The following ANKRD62 variants were observed in gnomAD, a reference collection of about 807,000 sequenced individuals.
ANKRD62 encodes the protein ankyrin repeat domain-containing protein 62.
Under a neutral mutation model 98.8 loss-of-function variants are expected in ANKRD62, and 61 were observed. The observed-to-expected ratio is 0.62, with a 90% CI of 0.50 to 0.76. The LOEUF (loss-of-function observed/expected upper bound fraction) is 0.76. Ranked by LOEUF, ANKRD62 falls within the 30% of genes least tolerant of loss-of-function variation. The pLI, the probability that ANKRD62 is intolerant of heterozygous loss-of-function variation, is 0.00. For missense variants in ANKRD62, 933 were observed against 1,082.9 expected, an observed-to-expected ratio of 0.86 and a Z score of 1.94; for synonymous variants, 341 against 367.9, an observed-to-expected ratio of 0.93 and a Z score of 0.84.
At chr18:12,175,765 A>G in the ANKRD62 span, among the ~76,000 whole-genome samples, 743 of 152,118 alleles carry the variant, frequency 4.9e-3, 3 homozygotes, top group Non-Finnish European at 7.6e-3. Flanking sequence ...AGTGAAGTTC[A>G]TTAGCATCTA....
At chr18:12,116,281 TA>T (rs1909663035) in intron 10 of ANKRD62, among the ~76,000 whole-genome samples, 1 of 151,940 alleles carries the variant, frequency 6.6e-6, no homozygotes, top group Non-Finnish European at 1.5e-5. Flanking sequence ...AAAAGTGTAC[TA>T]TTTCCATCTG....
chr18:12,138,622 ATCTG>A, the ANKRD62 span, among the ~76,000 whole-genome samples: 1 of 152,122 alleles, frequency 6.6e-6, no homozygotes, highest in African/African-American at 2.4e-5. Flanking sequence ...TGTCTCGTTG[ATCTG>A]TCTAATGTTG....
chr18:12,172,547 CCT>C, the ANKRD62 span, among the ~76,000 whole-genome samples: 1 of 152,188 alleles, frequency 6.6e-6, no homozygotes, highest in Admixed American at 6.5e-5. Flanking sequence ...CTGGGAGGTG[CCT>C]CTCAATTAGG....
chr18:12,172,451 G>A, the ANKRD62 span, among the ~76,000 whole-genome samples: 1 of 151,892 alleles, frequency 6.6e-6, no homozygotes, highest in Non-Finnish European at 1.5e-5. Flanking sequence ...GAGGCTTGCA[G>A]AACAGCAATG....
chr18:12,140,176 G>A, the ANKRD62 span, among the ~76,000 whole-genome samples: 5 of 152,220 alleles, frequency 3.3e-5, no homozygotes, highest in Middle Eastern at 3.4e-3. Flanking sequence ...CGTAGTTCTC[G>A]TGCCTTGGTT....
chr18:12,102,208 G>T, intron 6 of ANKRD62: 1 of 814,998 alleles, frequency 1.2e-6, no homozygotes, highest in Non-Finnish European at 2.2e-6. Context: ...CCGTCACAGA[G>T]CCAAGGATTC....
At chr18:12,162,754 C>T in the ANKRD62 span, among the ~76,000 whole-genome samples, 6 of 152,084 alleles carry the variant, frequency 3.9e-5, no homozygotes, top group Non-Finnish European at 8.8e-5. Context: ...TTTGCCAAAG[C>T]CATTCATTGA....
At chr18:12,136,184 A>G in the ANKRD62 span, among the ~76,000 whole-genome samples, 8 of 152,048 alleles carry the variant, frequency 5.3e-5, no homozygotes, top group Admixed American at 3.3e-4. Flanking sequence ...TAGGTCTAAC[A>G]TTTAAGTCTT....
chr18:12,096,231 GA>G lies in ANKRD62; in HGVS notation c.549del (p.Glu184SerfsTer8). The G allele has an allele frequency of 6.5e-7, 1 of 1,534,292 alleles. No individual in the cohort carries two copies. ...HTSLLLAVNR[K>X]KEQMVAFLLK... ...CATCACTTTTACTCGCTGTAAATAG[GA>G]AAAAAGAGCAAATGGTGGCATTTTT... is the stretch of plus-strand genomic sequence containing the variant. On this transcript the variant is annotated frameshift_variant, in exon 4 of 14. Transcript: ENST00000587848. LOFTEE classifies it high-confidence loss of function.
chr18:12,132,198 A>AT (rs1490543881), downstream of ANKRD62, among the ~76,000 whole-genome samples: 1 of 152,124 alleles, frequency 6.6e-6, no homozygotes, highest in Non-Finnish European at 1.5e-5. Context: ...AAATAGTATT[A>AT]TTTTTAAAAT....
At chr18:12,115,757 A>G (rs1051555528) in intron 10 of ANKRD62, among the ~76,000 whole-genome samples, 1 of 151,990 alleles carries the variant, frequency 6.6e-6, no homozygotes, top group African/African-American at 2.4e-5. Flanking sequence ...GACACTCCCA[A>G]TCTATTTGTT....
the ANKRD62 span, among the ~76,000 whole-genome samples, chr18:12,141,618 C>G: frequency 3.9e-5 from 5 of 129,414 alleles, no homozygotes; most frequent in Non-Finnish European, 8.1e-5. Flanking sequence ...CTCAACGGTC[C>G]TCATTCCTGC....
chr18:12,141,316 C>G, the ANKRD62 span, among the ~76,000 whole-genome samples: 3 of 152,172 alleles, frequency 2.0e-5, no homozygotes, highest in African/African-American at 4.8e-5. Flanking sequence ...TGAGGTGATG[C>G]CTCGCCCTGC....
intron 10 of ANKRD62, 134 bp downstream of exon 10, chr18:12,115,668 T>A (rs1178176382): frequency 1.0e-5 from 8 of 792,804 alleles, no homozygotes; most frequent in Non-Finnish European, 1.5e-5. Flanking sequence ...CTTGTGAACA[T>A]AGAATGAGAA....
At chr18:12,111,535 G>T (rs938351337) in intron 8 of ANKRD62, among the ~76,000 whole-genome samples, 1 of 152,086 alleles carries the variant, frequency 6.6e-6, no homozygotes, top group African/African-American at 2.4e-5. Context: ...TCTTTTCAAC[G>T]TAGTATTGTA....
the ANKRD62 span, among the ~76,000 whole-genome samples, chr18:12,140,242 A>G: frequency 3.2e-4 from 48 of 151,894 alleles, no homozygotes; most frequent in Non-Finnish European, 8.8e-5. Context: ...CTAGTTATCC[A>G]TTCATCTAAT....
intron 8 of ANKRD62, among the ~76,000 whole-genome samples, chr18:12,110,177 C>A (rs1206884164): frequency 6.6e-6 from 1 of 152,140 alleles, no homozygotes; most frequent in South Asian, 2.1e-4. Flanking sequence ...ATTAAGTTTA[C>A]GAAATAAGAT....
chr18:12,121,142 T>G (rs1190643950), intron 10 of ANKRD62, among the ~76,000 whole-genome samples: 2 of 152,228 alleles, frequency 1.3e-5, no homozygotes, highest in Non-Finnish European at 2.9e-5. Flanking sequence ...CCTCTGACAT[T>G]GTAATTTACA....
the ANKRD62 span, among the ~76,000 whole-genome samples, chr18:12,145,519 G>A: frequency 0.011 from 1,662 of 151,116 alleles, 22 homozygotes; most frequent in Middle Eastern, 0.058. Context: ...TGTGGATGGG[G>A]TCCCCCAGCA....
Sources: gnomAD v4.1 joint callset for allele counts (sites outside exome capture counted in the v4.1 genomes callset) on GRCh38, gnomAD v4.1.1 for gene constraint, MANE v1.5 for transcripts, NCBI Gene and HGNC (gene_info 2026-07-23, HGNC 2026-07-21) for gene names.